NCOA7: variants seen among roughly 807,000 people sequenced by gnomAD.
The protein encoded by NCOA7 is nuclear receptor coactivator 7, also known as 140 kDa estrogen receptor-associated protein.
In NCOA7, 45 loss-of-function variants were observed where a neutral mutation model predicts 104.3. The observed-to-expected ratio is 0.43, with a 90% confidence interval of 0.34 to 0.55. The LOEUF is 0.55. Ranked by LOEUF, NCOA7 falls within the 20% of genes least tolerant of loss-of-function variation. NCOA7 has a pLI of 0.02. For missense variants in NCOA7, 1,041 were observed against 1,119.7 expected (o/e 0.93, Z 1.00); for synonymous variants, 398 against 402.3 (o/e 0.99, Z 0.13).
At chr6:125,921,788 A>T (rs1358167335) in intron 12 of NCOA7, among the ~76,000 whole-genome samples, 1 of 152,208 alleles carries the variant, frequency 6.6e-6, no homozygotes, top group Non-Finnish European at 1.5e-5. Context: ...CTTTATGAAA[A>T]ATACCTACCT....
At chr6:125,919,796 A>T (rs1164442757) in intron 11 of NCOA7, among the ~76,000 whole-genome samples, 2 of 152,210 alleles carry the variant, frequency 1.3e-5, no homozygotes, top group Non-Finnish European at 2.9e-5. Context: ...TAATTTTCTT[A>T]CTTGTAAATC....
intron 2 of NCOA7, among the ~76,000 whole-genome samples, chr6:125,841,695 G>A (rs1040842556): frequency 7.9e-5 from 12 of 152,034 alleles, no homozygotes; most frequent in African/African-American, 1.2e-4. Context: ...ACTAACTTTA[G>A]AAGGAAAAAA....
intron 10 of NCOA7, among the ~76,000 whole-genome samples, chr6:125,898,400 CA>C (rs1348569257): frequency 6.6e-6 from 1 of 152,160 alleles, no homozygotes. Flanking sequence ...CTTAAAAACT[CA>C]AAGAGGAATA....
intron 10 of NCOA7, among the ~76,000 whole-genome samples, chr6:125,894,634 G>T (rs1784865705): frequency 6.6e-6 from 1 of 152,138 alleles, no homozygotes; most frequent in African/African-American, 2.4e-5. Flanking sequence ...ACAAGGAGAA[G>T]GCAGAAAAGC....
intron 13 of NCOA7, among the ~76,000 whole-genome samples, 176 bp from the exon 14 acceptor site, chr6:125,927,487 A>C (rs1383894674): frequency 6.6e-6 from 1 of 152,200 alleles, no homozygotes; most frequent in East Asian, 1.9e-4. Context: ...TTCCAGTTAG[A>C]GCTGGGGATA....
intron 3 of NCOA7, among the ~76,000 whole-genome samples, chr6:125,855,766 C>T (rs1781499482): frequency 6.6e-6 from 1 of 152,026 alleles, no homozygotes; most frequent in African/African-American, 2.4e-5. Flanking sequence ...TCACTGCAAC[C>T]TCTGCCTCCC....
At chr6:125,793,635 C>T (rs1294556982) in intron 1 of NCOA7, among the ~76,000 whole-genome samples, 4 of 152,108 alleles carry the variant, frequency 2.6e-5, no homozygotes, top group African/African-American at 7.2e-5. Context: ...TTCCTAAAGG[C>T]TGTATTTTAG....
intron 3 of NCOA7, among the ~76,000 whole-genome samples, chr6:125,869,405 C>A (rs1342953077): frequency 6.6e-6 from 1 of 152,068 alleles, no homozygotes; most frequent in Admixed American, 6.6e-5. Context: ...ATCTCAATTT[C>A]TTTTTTTGTC....
chr6:125,879,615 G>A (rs915175520), intron 5 of NCOA7, among the ~76,000 whole-genome samples: 1 of 152,152 alleles, frequency 6.6e-6, no homozygotes, highest in Non-Finnish European at 1.5e-5. Flanking sequence ...TGGAAAGATA[G>A]GAGACAGTGA....
At position 125,889,683 on chromosome 6, in the gene NCOA7, A is replaced by G; in HGVS notation, c.1629A>G (p.Thr543=). ...GPQVSENLQK[T]ELSDGKSIEP... Reference sequence around the variant, plus strand: ...AGGTATCTGAAAATTTGCAGAAAACAGAATTAAGTGATGGAAAAAGTATTG... The same window carrying G: ...AGGTATCTGAAAATTTGCAGAAAACGGAATTAAGTGATGGAAAAAGTATTG... Residue 543 remains threonine, a synonymous_variant, in exon 9 of 16, where the codon ACA becomes ACG. Coordinates refer to ENST00000392477, the MANE Select transcript of NCOA7 (RefSeq NM_181782.5). The G allele has an allele frequency of 6.2e-7, 1 of 1,614,158 alleles. No individual in the cohort carries two copies. Among genetic ancestry groups the G allele is most frequent in the African/African-American group, 1.3e-5 (1 of 75,074 alleles).
At chr6:125,890,180 G>T (rs1169798386) in intron 9 of NCOA7, among the ~76,000 whole-genome samples, 199 bp downstream of exon 9, 1 of 152,146 alleles carries the variant, frequency 6.6e-6, no homozygotes, top group Admixed American at 6.5e-5. Context: ...CTGTGACATA[G>T]ATCTCTAGAT....
intron 10 of NCOA7, among the ~76,000 whole-genome samples, chr6:125,900,576 A>G (rs541849279): frequency 8.5e-4 from 130 of 152,336 alleles, no homozygotes; most frequent in African/African-American, 3.0e-3. Context: ...GTATGTGTAC[A>G]TTGTGAAATA....
chr6:125,856,710 C>G (rs1269627945), intron 3 of NCOA7, among the ~76,000 whole-genome samples: 1 of 151,936 alleles, frequency 6.6e-6, no homozygotes, highest in Non-Finnish European at 1.5e-5. Flanking sequence ...GCATGGCATA[C>G]AGGTCATGGC....
chr6:125,803,987 G>T (rs1015396161), intron 1 of NCOA7, among the ~76,000 whole-genome samples: 12 of 151,778 alleles, frequency 7.9e-5, no homozygotes, highest in Non-Finnish European at 1.8e-4. Context: ...TTGGGACCCA[G>T]TCTAAGACCA....
chr6:125,867,595 A>G (rs925739154), intron 3 of NCOA7, among the ~76,000 whole-genome samples: 3 of 152,122 alleles, frequency 2.0e-5, no homozygotes, highest in Non-Finnish European at 2.9e-5. Flanking sequence ...TTCCCTCTTT[A>G]TCCTGGAGTT....
chr6:125,803,895 C>CA (rs1776158439), intron 1 of NCOA7, among the ~76,000 whole-genome samples: 2 of 152,236 alleles, frequency 1.3e-5, no homozygotes, highest in East Asian at 3.9e-4. Flanking sequence ...AAGTAGCCCC[C>CA]AACAAATAGT....
chr6:125,849,064 A>G (rs1002542984), intron 2 of NCOA7, among the ~76,000 whole-genome samples: 2 of 152,216 alleles, frequency 1.3e-5, no homozygotes, highest in South Asian at 4.1e-4. Flanking sequence ...CTGAGTACCT[A>G]ATGTGTGCCA....
intron 4 of NCOA7, among the ~76,000 whole-genome samples, chr6:125,876,126 A>G (rs1181932963): frequency 6.6e-6 from 1 of 152,350 alleles, no homozygotes; most frequent in East Asian, 1.9e-4. Context: ...TACTTATTTT[A>G]TAGTCATTAT....
intron 1 of NCOA7, among the ~76,000 whole-genome samples, chr6:125,796,205 A>G (rs1775311174): frequency 6.6e-6 from 1 of 152,130 alleles, no homozygotes; most frequent in African/African-American, 2.4e-5. Flanking sequence ...GCTAATAGCT[A>G]TATTTTGCTA....
Sources: allele counts gnomAD v4.1 joint callset (sites outside exome capture counted in the v4.1 genomes callset), GRCh38; gene constraint gnomAD v4.1.1; transcripts MANE v1.5; gene names NCBI Gene and HGNC (gene_info 2026-07-23, HGNC 2026-07-21).